The following SF3B1 variants were observed in gnomAD, a reference collection of about 807,000 sequenced individuals.
SF3B1 encodes the protein pre-mRNA processing 10.
A neutral mutation model predicts 153.8 loss-of-function variants in SF3B1; 12 were observed. The ratio of observed to expected loss-of-function variants is 0.08; its 90% CI spans 0.05 to 0.13. The LOEUF is 0.13. Among genes scored for constraint, SF3B1 ranks in the 10% least tolerant of loss-of-function variants. The pLI is 1.00. For missense variants in SF3B1, 513 were observed against 1,606.1 expected (o/e 0.32, Z 11.63); for synonymous variants, 498 against 525.2 (o/e 0.95, Z 0.71).
At position 197,390,641 on chromosome 2, in the gene SF3B1, G is replaced by A. The variant is rs2084800343; in HGVS notation, c.*1662C>T. ...TTTTTTTTTTTGAGACGGAGTCTCTGTCGCCCAGGCTGGAGTGTAGCAGCG... is the reference window on the plus strand; with the variant it reads ...TTTTTTTTTTTGAGACGGAGTCTCTATCGCCCAGGCTGGAGTGTAGCAGCG... On this transcript the variant is annotated 3_prime_UTR_variant, in exon 25 of 25. Transcript: ENST00000335508. 7.0e-6 allele frequency: 1 copy of A among 143,792 alleles called. No homozygotes were observed. Among genetic ancestry groups the A allele is most frequent in the African/African-American group, 2.6e-5 (1 of 38,298 alleles). The allele number at this position is 143,792 out of a possible 1,614,324, so 8.9% of individuals were successfully genotyped here. A position where few individuals can be genotyped will look rare whatever the true frequency, so the allele number is the denominator to read the frequency against.
intron 6 of SF3B1, 128 bp from the exon 7 acceptor site, chr2:197,410,135 G>T: frequency 5.0e-6 from 3 of 604,164 alleles, no homozygotes; most frequent in Non-Finnish European, 5.8e-6. Flanking sequence ...AAAGTTAGAA[G>T]ACACTACCTC....
At chr2:197,423,754 A>G in intron 2 of SF3B1, 54 bp downstream of exon 2, 8 of 1,552,724 alleles carry the variant, frequency 5.2e-6, no homozygotes, top group Non-Finnish European at 7.1e-6. Flanking sequence ...AGTTATTCAT[A>G]TTTCTTGCTC....
intron 5 of SF3B1, among the ~76,000 whole-genome samples, 162 bp from the exon 6 acceptor site, chr2:197,417,073 G>A (rs994624721): frequency 2.6e-5 from 4 of 152,070 alleles, no homozygotes; most frequent in Non-Finnish European, 4.4e-5. Context: ...TAGTCTGTGC[G>A]TCTTTATTTC....
chr2:197,431,375 C>G (rs553765910), intron 1 of SF3B1, among the ~76,000 whole-genome samples: 36 of 152,130 alleles, frequency 2.4e-4, no homozygotes, highest in Non-Finnish European at 4.4e-4. Flanking sequence ...CCACCTCAGC[C>G]TCCCAAAGTG....
At chr2:197,432,849 G>GTT (rs2085462215) in intron 1 of SF3B1, among the ~76,000 whole-genome samples, 1 of 151,008 alleles carries the variant, frequency 6.6e-6, no homozygotes, top group African/African-American at 2.4e-5. Context: ...CTGGGCAACA[G>GTT]AAAAAGACCC....
intron 23 of SF3B1, among the ~76,000 whole-genome samples, chr2:197,395,544 G>GT (rs2084866700): frequency 6.6e-6 from 1 of 152,164 alleles, no homozygotes. Flanking sequence ...ATGGTAAAAG[G>GT]TATTAGCAAT....
chr2:197,407,873 T>G (rs567005144), intron 9 of SF3B1, 125 bp downstream of exon 9: 1 of 748,490 alleles, frequency 1.3e-6, no homozygotes. Flanking sequence ...TACCTGGAAA[T>G]AGCTAAGAGA....
intron 22 of SF3B1, 69 bp from the exon 23 acceptor site, chr2:197,396,397 A>G: frequency 1.5e-6 from 2 of 1,338,450 alleles, no homozygotes; most frequent in Non-Finnish European, 2.1e-6. Flanking sequence ...AAAAAAATGC[A>G]TAAAGATGAA....
chr2:197,423,903 C>T lies in SF3B1; in HGVS notation c.100G>A (p.Asp34Asn), dbSNP rs890785458. 6.2e-7 allele frequency: 1 copy of T among 1,613,066 alleles called. No individual in the cohort carries two copies. The highest frequency in any genetic ancestry group is 8.5e-7 in the Non-Finnish European group (1 of 1,179,770). Reference sequence around the variant, plus strand: ...TCCTGGTCATAATAACCTGTAGAATCGAGGCCCACTCCTTGAGCTTCATCA... The same window carrying T: ...TCCTGGTCATAATAACCTGTAGAATTGAGGCCCACTCCTTGAGCTTCATCA... ...ALDEAQGVGL[D>N]STGYYDQEIY... Residue 34 changes from aspartate (D) to asparagine (N), a missense_variant, in exon 2 of 25, where the codon GAT becomes AAT. Transcript: ENST00000335508.
At chr2:197,412,970 C>CAAAA (rs779446735) in intron 6 of SF3B1, among the ~76,000 whole-genome samples, 7 of 45,498 alleles carry the variant, frequency 1.5e-4, no homozygotes, top group African/African-American at 2.6e-4. Context: ...ACTGTTGTCT[C>CAAAA]AAAAAAAAAA....
At chr2:197,409,574 T>C (rs1247174065) in intron 7 of SF3B1, among the ~76,000 whole-genome samples, 196 bp downstream of exon 7, 1 of 152,182 alleles carries the variant, frequency 6.6e-6, no homozygotes, top group Admixed American at 6.5e-5. Flanking sequence ...TACTTTTACC[T>C]AAGGTTCTTC....
intron 5 of SF3B1, among the ~76,000 whole-genome samples, chr2:197,417,473 C>T (rs1473879970): frequency 6.7e-6 from 1 of 150,354 alleles, no homozygotes; most frequent in Non-Finnish European, 1.5e-5. Flanking sequence ...TACGGTGGCT[C>T]ACACCTGTAA....
rs2105982677 is a variant in SF3B1 at position 197,400,819 on chromosome 2, T to C, written c.2614A>G (p.Ile872Val). ...EQYRKMVMET[I>V]EKIMGNLGAA... Reference sequence around the variant, plus strand: ...CCCAAATTACCCATAATTTTCTCAATTGTCTCCATCACCATTTTTCTGTAC... The same window carrying C: ...CCCAAATTACCCATAATTTTCTCAACTGTCTCCATCACCATTTTTCTGTAC... Residue 872 changes from isoleucine (I) to valine (V), a missense_variant, in exon 18 of 25, where the codon ATT becomes GTT. Coordinates refer to ENST00000335508, the MANE Select transcript of SF3B1 (RefSeq NM_012433.4). This position sits in a 1 kb window ranked among gnomAD's most constrained non-coding sequence, Gnocchi z 5.0. 6.2e-7 allele frequency: 1 copy of C among 1,613,070 alleles called. No individual in the cohort carries two copies. The highest frequency in any genetic ancestry group is 8.5e-7 in the Non-Finnish European group (1 of 1,179,176).
rs745688042 is a variant in SF3B1 at position 197,408,591 on chromosome 2, GAA to G, written c.905-12_905-11del. On this transcript the variant is annotated splice_polypyrimidine_tract_variant and intron_variant, in intron 7 of 24. Transcript: ENST00000335508. ...CCATGCCCAGGAGTATCTTTAAAAA[GAA>G]AGAGTGAGTAAAACCACAATTTTAA... 2.5e-6 allele frequency: 4 copies of G among 1,586,098 alleles called. No individual in the cohort carries two copies. The highest frequency in any genetic ancestry group is 3.5e-6 in the Non-Finnish European group (4 of 1,156,544).
chr2:197,394,842 T>C (rs1210828750), intron 23 of SF3B1, among the ~76,000 whole-genome samples: 1 of 151,986 alleles, frequency 6.6e-6, no homozygotes, highest in African/African-American at 2.4e-5. Context: ...GAGGCAGAGG[T>C]TGCAGTATGC....
At position 197,416,922 on chromosome 2, in the gene SF3B1, CAG is replaced by C; in HGVS notation, c.496-13_496-12del. ...TTGCCTAATTTCTCGCTGAAAAAAA[CAG>C]TGAGTATTTACCTTTAAAATGCTTT... On this transcript the variant is annotated splice_polypyrimidine_tract_variant and intron_variant, in intron 5 of 24. Coordinates refer to ENST00000335508, the MANE Select transcript of SF3B1 (RefSeq NM_012433.4). 1 of 1,609,652 alleles carries C rather than the reference CAG, an allele frequency of 6.2e-7. No homozygotes were observed. Among genetic ancestry groups the C allele is most frequent in the South Asian group, 1.1e-5 (1 of 90,446 alleles).
Position 197,409,778 on chromosome 2 carries a change from G to C in SF3B1, c.896C>G (p.Thr299Arg). The C allele has an allele frequency of 6.2e-7, 1 of 1,612,770 alleles. No individual in the cohort carries two copies. Residue 299 changes from threonine (T) to arginine (R), a missense_variant, in exon 7 of 25, where the codon ACA (threonine) becomes AGA (arginine). Physicochemically the swap from Thr to Arg is moderately conservative, Grantham distance 71. This residue lies in a region of SF3B1 where 91 missense variants were observed against 157.4 expected (regional missense o/e 0.58). Coordinates refer to ENST00000335508, the MANE Select transcript of SF3B1 (RefSeq NM_012433.4). ...TACTCCACTAGAAGTACCTCTCTCT[G>C]TTTTGGGGGTTTCATCCCATCTGTT... ...RKNRWDETPK[T>R]ERDTPGHGSG...
chr2:197,401,331 T>C lies in SF3B1; in HGVS notation c.2496+69A>G. On this transcript the variant is annotated intron_variant, in intron 17 of 24. Coordinates refer to ENST00000335508, the MANE Select transcript of SF3B1 (RefSeq NM_012433.4). This position sits in a 1 kb window ranked among gnomAD's most constrained non-coding sequence, Gnocchi z 4.2. ...TCAAGGCAAAAAATAATATACAACATGCATTCAAGTTGACTAAAGAATGAG... is the reference window on the plus strand; with the variant it reads ...TCAAGGCAAAAAATAATATACAACACGCATTCAAGTTGACTAAAGAATGAG... 7.4e-7 allele frequency: 1 copy of C among 1,347,404 alleles called. No individual in the cohort carries two copies. The highest frequency in any genetic ancestry group is 1.0e-6 in the Non-Finnish European group (1 of 972,478). 83.5% of individuals were successfully genotyped at this position (1,347,404 alleles called of 1,614,324 possible).
At chr2:197,407,709 C>T (rs1223676726) in intron 9 of SF3B1, among the ~76,000 whole-genome samples, 2 of 151,708 alleles carry the variant, frequency 1.3e-5, no homozygotes, top group African/African-American at 4.8e-5. Context: ...ACAATCTCAA[C>T]GAGCTTATTC....
Sources: gnomAD v4.1 joint callset for allele counts (sites outside exome capture counted in the v4.1 genomes callset) on GRCh38, gnomAD v4.1.1 for gene constraint, gnomAD v4.1.1 regional missense constraint, Gnocchi (gnomAD v3.1) non-coding constraint, MANE v1.5 for transcripts, NCBI Gene and HGNC (gene_info 2026-07-23, HGNC 2026-07-21) for gene names.